Variants in RNLS observed in about 807,000 individuals in gnomAD.
RNLS encodes the protein renalase, FAD dependent amine oxidase, also known as renalase.
Under a neutral mutation model 39.8 loss-of-function variants are expected in RNLS, and 39 were observed. The observed-to-expected ratio is 0.98, with a 90% CI of 0.76 to 1.28. The LOEUF is 1.28. Ranked by LOEUF, RNLS falls within the 50% of genes most tolerant of loss-of-function variation. The pLI, the probability that RNLS is intolerant of heterozygous loss-of-function variation, is 0.00. For missense variants in RNLS, 410 were observed against 413.3 expected (o/e 0.99, Z 0.07); for synonymous variants, 147 against 150.7 (o/e 0.98, Z 0.18).
intron 4 of RNLS, among the ~76,000 whole-genome samples, chr10:88,416,676 A>G (rs1029306910): frequency 9.2e-5 from 14 of 152,066 alleles, no homozygotes; most frequent in African/African-American, 3.4e-4. Flanking sequence ...GTACTTGAAA[A>G]ACCCCACATA....
At chr10:88,356,919 C>A (rs1472465961) in intron 5 of RNLS, among the ~76,000 whole-genome samples, 2 of 152,156 alleles carry the variant, frequency 1.3e-5, no homozygotes, top group African/African-American at 4.8e-5. Context: ...CATTAACACT[C>A]CTCAGATGGT....
intron 4 of RNLS, among the ~76,000 whole-genome samples, chr10:88,379,476 C>T (rs1307334790): frequency 1.3e-5 from 2 of 151,846 alleles, no homozygotes; most frequent in Non-Finnish European, 2.9e-5. Context: ...CTCTTTTTCC[C>T]AATGAATGAA....
intron 4 of RNLS, among the ~76,000 whole-genome samples, chr10:88,389,545 G>GT (rs1282772245): frequency 6.6e-6 from 1 of 150,578 alleles, no homozygotes; most frequent in Non-Finnish European, 1.5e-5. Flanking sequence ...CAATATTTCG[G>GT]TTTTAGGGAT....
At chr10:88,206,516 G>T in the RNLS span, among the ~76,000 whole-genome samples, 2 of 152,104 alleles carry the variant, frequency 1.3e-5, no homozygotes. Flanking sequence ...TTCTGAGATA[G>T]CGCTGAAGAA....
At chr10:88,356,891 A>G (rs1363818984) in intron 5 of RNLS, among the ~76,000 whole-genome samples, 2 of 151,920 alleles carry the variant, frequency 1.3e-5, no homozygotes, top group South Asian at 2.1e-4. Context: ...ATTGCTGCCT[A>G]TTGGCTATTT....
At chr10:88,257,498 G>T in the RNLS span, among the ~76,000 whole-genome samples, 1 of 152,138 alleles carries the variant, frequency 6.6e-6, no homozygotes, top group Non-Finnish European at 1.5e-5. Context: ...TGATAGAGTG[G>T]GTTTGGCTCA....
At chr10:88,475,468 G>A (rs1843760564) in intron 4 of RNLS, among the ~76,000 whole-genome samples, 1 of 152,184 alleles carries the variant, frequency 6.6e-6, no homozygotes, top group Admixed American at 6.5e-5. Context: ...CATTTTCTTC[G>A]AGTACATTTT....
At chr10:88,185,521 C>T in the RNLS span, among the ~76,000 whole-genome samples, 1 of 152,130 alleles carries the variant, frequency 6.6e-6, no homozygotes, top group East Asian at 1.9e-4. Flanking sequence ...TCGTCTTCTA[C>T]TTAGTACATT....
chr10:88,350,838 A>G (rs1420184291), intron 5 of RNLS, among the ~76,000 whole-genome samples: 3 of 152,224 alleles, frequency 2.0e-5, no homozygotes, highest in African/African-American at 7.2e-5. Context: ...ACTAGTTTAC[A>G]GTCCCACCAA....
chr10:88,444,739 A>T (rs559777533), intron 4 of RNLS, among the ~76,000 whole-genome samples: 1 of 152,358 alleles, frequency 6.6e-6, no homozygotes, highest in African/African-American at 2.4e-5. Context: ...AGATCAAATG[A>T]ATGAAATGAA....
In RNLS at chr10:88,510,283, A is replaced by G. The variant is rs796182595; in HGVS notation, c.526+62620T>C. ...CATTTTAAAACATTTAAAGAAAAAA[A>G]AAATGAGGCAGATAATTCTATCCAT... On this transcript the variant is annotated intron_variant, in intron 4 of 6. Coordinates refer to ENST00000331772, the MANE Select transcript of RNLS (RefSeq NM_001031709.3). Among the ~76,000 whole-genome samples, 7 of 152,302 alleles carry G rather than the reference A, an allele frequency of 4.6e-5. 1 individual carries two copies. The highest frequency in any genetic ancestry group is 1.7e-4 in the African/African-American group (7 of 41,568).
At chr10:88,433,371 T>C (rs918476136) in intron 4 of RNLS, among the ~76,000 whole-genome samples, 2 of 151,938 alleles carry the variant, frequency 1.3e-5, no homozygotes, top group Non-Finnish European at 2.9e-5. Flanking sequence ...ATGGCTAGAG[T>C]ATGAGTTTTG....
chr10:88,538,711 G>A (rs780895234), intron 4 of RNLS, among the ~76,000 whole-genome samples: 1 of 152,252 alleles, frequency 6.6e-6, no homozygotes, highest in South Asian at 2.1e-4. Flanking sequence ...AGATTTAGGA[G>A]ATGGTTTTAG....
intron 5 of RNLS, among the ~76,000 whole-genome samples, chr10:88,347,654 C>T (rs1848399339): frequency 6.6e-6 from 1 of 152,008 alleles, no homozygotes; most frequent in African/African-American, 2.4e-5. Context: ...ACTGCTCACA[C>T]CAGAACCATA....
chr10:88,560,191 T>C (rs1849092179), intron 4 of RNLS, among the ~76,000 whole-genome samples: 1 of 152,096 alleles, frequency 6.6e-6, no homozygotes, highest in Non-Finnish European at 1.5e-5. Context: ...AATAAACAAA[T>C]CTGCTTGATG....
At chr10:88,354,081 C>T (rs558252212) in intron 5 of RNLS, among the ~76,000 whole-genome samples, 28 of 152,274 alleles carry the variant, frequency 1.8e-4, no homozygotes, top group South Asian at 4.1e-4. Flanking sequence ...GATCTTCCTC[C>T]ATCCCTTTAT....
intron 4 of RNLS, among the ~76,000 whole-genome samples, chr10:88,532,703 A>G (rs1013456675): frequency 6.6e-6 from 1 of 152,044 alleles, no homozygotes; most frequent in Admixed American, 6.6e-5. Flanking sequence ...ATAATCACAG[A>G]GAGTTCTGCA....
At chr10:88,209,593 G>C in the RNLS span, among the ~76,000 whole-genome samples, 1 of 152,118 alleles carries the variant, frequency 6.6e-6, no homozygotes. Context: ...TACAATTTTT[G>C]TTGTTGAAAC....
intron 4 of RNLS, among the ~76,000 whole-genome samples, chr10:88,535,480 A>G (rs1019121592): frequency 2.0e-5 from 3 of 152,016 alleles, no homozygotes; most frequent in Non-Finnish European, 4.4e-5. Context: ...TAGTTAATGG[A>G]TGCTGGGCTT....
Sources: gnomAD v4.1 joint callset for allele counts (sites outside exome capture counted in the v4.1 genomes callset) on GRCh38, gnomAD v4.1.1 for gene constraint, MANE v1.5 for transcripts, NCBI Gene and HGNC (gene_info 2026-07-23, HGNC 2026-07-21) for gene names.